Variants in BRAF observed in about 807,000 individuals in gnomAD.
BRAF encodes serine/threonine-protein kinase B-raf.
Under a neutral mutation model 104.6 loss-of-function variants are expected in BRAF, and 16 were observed. The observed-to-expected ratio is 0.15, with a 90% CI of 0.10 to 0.23. BRAF has a LOEUF of 0.23. Ranked by LOEUF, BRAF falls within the 10% of genes least tolerant of loss-of-function variation. BRAF has a pLI of 1.00. For missense variants in BRAF, 541 were observed against 937.3 expected, an observed-to-expected ratio of 0.58 and a Z score of 5.52; for synonymous variants, 310 against 341.6, an observed-to-expected ratio of 0.91 and a Z score of 1.02.
intron 1 of BRAF, among the ~76,000 whole-genome samples, chr7:140,891,784 A>C (rs2129117344): frequency 6.6e-6 from 1 of 152,342 alleles, no homozygotes; most frequent in African/African-American, 2.4e-5. Context: ...GGTATGGAGA[A>C]AATGAAGGAA....
intron 14 of BRAF, among the ~76,000 whole-genome samples, chr7:140,756,842 G>C (rs1419716810): frequency 6.6e-6 from 1 of 152,188 alleles, no homozygotes; most frequent in Non-Finnish European, 1.5e-5. Context: ...TCCACCTATA[G>C]AACCATTTAA....
intron 14 of BRAF, among the ~76,000 whole-genome samples, chr7:140,761,664 C>T (rs1174232902): frequency 6.6e-6 from 1 of 152,064 alleles, no homozygotes; most frequent in Non-Finnish European, 1.5e-5. Flanking sequence ...CAGAGACACA[C>T]ATAGGCTCAA....
At chr7:140,764,242 C>A (rs1265042297) in intron 14 of BRAF, among the ~76,000 whole-genome samples, 1 of 151,538 alleles carries the variant, frequency 6.6e-6, no homozygotes, top group Admixed American at 6.6e-5. Flanking sequence ...TGACAAAATT[C>A]AACAACCCTT....
At chr7:140,877,123 G>A (rs1812350286) in intron 1 of BRAF, among the ~76,000 whole-genome samples, 1 of 151,888 alleles carries the variant, frequency 6.6e-6, no homozygotes, top group Non-Finnish European at 1.5e-5. Context: ...ATTGTAAAAG[G>A]CATAATAAAC....
intron 2 of BRAF, among the ~76,000 whole-genome samples, chr7:140,840,957 C>T (rs1807898164): frequency 6.6e-6 from 1 of 151,838 alleles, no homozygotes; most frequent in South Asian, 2.1e-4. Flanking sequence ...TCAAGTGATC[C>T]ATCCACCTCA....
At chr7:140,912,537 T>C (rs760463404) in intron 1 of BRAF, among the ~76,000 whole-genome samples, 7 of 152,164 alleles carry the variant, frequency 4.6e-5, no homozygotes, top group Non-Finnish European at 1.0e-4. Context: ...CTCATTCCTA[T>C]CATCATACGC....
chr7:140,829,199 T>TC (rs1554408387), intron 3 of BRAF, among the ~76,000 whole-genome samples: 4 of 145,990 alleles, frequency 2.7e-5, no homozygotes, highest in African/African-American at 5.1e-5. Flanking sequence ...TTTTTTTTTG[T>TC]GGGGGGGGGC....
intron 1 of BRAF, among the ~76,000 whole-genome samples, chr7:140,897,760 A>G (rs969300544): frequency 6.6e-6 from 1 of 152,030 alleles, no homozygotes; most frequent in Non-Finnish European, 1.5e-5. Context: ...TTGGCCTCCC[A>G]AAGTGCTGGG....
At chr7:140,896,295 A>G (rs968111388) in intron 1 of BRAF, among the ~76,000 whole-genome samples, 1 of 152,156 alleles carries the variant, frequency 6.6e-6, no homozygotes, top group African/African-American at 2.4e-5. Flanking sequence ...ATTCTTCTGT[A>G]TATGAATATC....
chr7:140,787,024 G>A (rs184387792), intron 9 of BRAF, among the ~76,000 whole-genome samples: 43 of 152,172 alleles, frequency 2.8e-4, no homozygotes, highest in Middle Eastern at 3.4e-3. Flanking sequence ...CCTTTTGGCC[G>A]GGCGCGGTGG....
intron 1 of BRAF, among the ~76,000 whole-genome samples, chr7:140,875,159 GACAGTA>G (rs1812079440): frequency 6.6e-6 from 1 of 152,062 alleles, no homozygotes; most frequent in Non-Finnish European, 1.5e-5. Flanking sequence ...GGATCTATGG[GACAGTA>G]ACAAAAAGAT....
intron 1 of BRAF, among the ~76,000 whole-genome samples, chr7:140,914,653 G>A (rs1189567356): frequency 6.6e-6 from 1 of 151,812 alleles, no homozygotes; most frequent in Non-Finnish European, 1.5e-5. Flanking sequence ...GGCAATAACT[G>A]CTTGCTAGTC....
intron 3 of BRAF, among the ~76,000 whole-genome samples, chr7:140,815,479 A>T (rs1251106564): frequency 8.2e-6 from 1 of 121,844 alleles, no homozygotes; most frequent in African/African-American, 3.4e-5. Context: ...TCTGCCACCC[A>T]GGCTTGTGCA....
chr7:140,731,590 G>A (rs1795967580), intron 19 of BRAF: 1 of 152,176 alleles, frequency 6.6e-6, no homozygotes, highest in South Asian at 2.1e-4. Context: ...ATATTAAATA[G>A]CCAATGTTTT....
At position 140,723,507 on chromosome 7, in the gene BRAF, G is replaced by C; in HGVS notation, c.*2987C>G. 9.5e-7 allele frequency: 1 copy of C among 1,052,404 alleles called. No homozygotes were observed. The highest frequency in any genetic ancestry group is 1.1e-6 in the Non-Finnish European group (1 of 871,598). The allele number at this position is 1,052,404 out of a possible 1,614,324, so 65.2% of individuals were successfully genotyped here. ...GCTAGACAGAATCTTCTTTTAAGGT[G>C]CACATTAACAACAAATGATCACACT... On this transcript the variant is annotated 3_prime_UTR_variant, in exon 20 of 20. Transcript: ENST00000644969.
At chr7:140,891,875 C>T (rs775275086) in intron 1 of BRAF, among the ~76,000 whole-genome samples, 3 of 152,194 alleles carry the variant, frequency 2.0e-5, no homozygotes, top group Non-Finnish European at 4.4e-5. Context: ...TATTAAACAG[C>T]ATTTCCCTAA....
At chr7:140,748,203 C>T (rs1443053218) in intron 17 of BRAF, among the ~76,000 whole-genome samples, 1 of 152,030 alleles carries the variant, frequency 6.6e-6, no homozygotes, top group Non-Finnish European at 1.5e-5. Context: ...AGAGCTAGCA[C>T]CAAAAAGATA....
chr7:140,886,988 C>T (rs1813639652), intron 1 of BRAF, among the ~76,000 whole-genome samples: 1 of 152,174 alleles, frequency 6.6e-6, no homozygotes, highest in Non-Finnish European at 1.5e-5. Flanking sequence ...CCATTAAAAG[C>T]ATGCTACAAT....
At chr7:140,800,229 G>C in intron 7 of BRAF, 133 bp downstream of exon 7, 1 of 1,340,164 alleles carries the variant, frequency 7.5e-7, no homozygotes, top group African/African-American at 1.4e-5. Flanking sequence ...TATCTGAGTG[G>C]TATGATAAGT....
Sources: gnomAD v4.1 joint callset for allele counts (sites outside exome capture counted in the v4.1 genomes callset) on GRCh38, gnomAD v4.1.1 for gene constraint, MANE v1.5 for transcripts, NCBI Gene and HGNC (gene_info 2026-07-23, HGNC 2026-07-21) for gene names.